RNF2: variants seen among roughly 807,000 people sequenced by gnomAD.
The protein encoded by RNF2 is E3 ubiquitin-protein ligase RING2.
A neutral mutation model predicts 37.2 loss-of-function variants in RNF2; 6 were observed. That is an observed-to-expected ratio of 0.16 (90% CI 0.09 to 0.32). The LOEUF (loss-of-function observed/expected upper bound fraction) is 0.32, where lower values mean the gene tolerates loss of function less well. RNF2 is among the 10% of genes least tolerant of loss of function. RNF2 has a pLI of 1.00. For synonymous variants in RNF2, 133 were observed against 132.7 expected (o/e 1.00, Z -0.02); for missense variants, 251 against 404.0 (o/e 0.62, Z 3.25).
At chr1:185,082,772 A>T (rs943968505) in intron 1 of RNF2, among the ~76,000 whole-genome samples, 3 of 152,226 alleles carry the variant, frequency 2.0e-5, no homozygotes, top group Non-Finnish European at 2.9e-5. Flanking sequence ...TTTGAACTCG[A>T]ATAAGAAAAT....
intron 1 of RNF2, among the ~76,000 whole-genome samples, chr1:185,066,521 C>T (rs1429804775): frequency 1.3e-5 from 2 of 152,166 alleles, no homozygotes; most frequent in African/African-American, 4.8e-5. Flanking sequence ...TTATTTATGC[C>T]TTCTTAGCAT....
At chr1:185,079,662 G>T (rs1438611123) in intron 1 of RNF2, among the ~76,000 whole-genome samples, 1 of 152,148 alleles carries the variant, frequency 6.6e-6, no homozygotes, top group Non-Finnish European at 1.5e-5. Context: ...GCTTGTGGTG[G>T]CTCACGCCTG....
intron 1 of RNF2, among the ~76,000 whole-genome samples, chr1:185,076,754 A>G (rs1190429587): frequency 6.6e-6 from 1 of 151,668 alleles, no homozygotes; most frequent in East Asian, 1.9e-4. Context: ...GTTTTGTTAT[A>G]TTGATCTGTT....
chr1:185,097,652 G>C (rs772524392), intron 4 of RNF2, among the ~76,000 whole-genome samples: 2 of 152,170 alleles, frequency 1.3e-5, no homozygotes, highest in South Asian at 4.1e-4. Context: ...TCCTGTCTCA[G>C]CCTCCTGAGT....
At chr1:185,085,255 T>C (rs771383005) in intron 1 of RNF2, among the ~76,000 whole-genome samples, 64 of 149,270 alleles carry the variant, frequency 4.3e-4, no homozygotes, top group Non-Finnish European at 8.0e-4. Flanking sequence ...TTCATGCTAT[T>C]CTCCTGCCTC....
At chr1:185,055,148 G>T (rs2102154473) in intron 1 of RNF2, among the ~76,000 whole-genome samples, 1 of 152,296 alleles carries the variant, frequency 6.6e-6, no homozygotes, top group Non-Finnish European at 1.5e-5. Context: ...TCTGCAGATC[G>T]AGTATCCCTT....
chr1:185,092,971 G>A, intron 3 of RNF2, 90 bp from the exon 4 acceptor site: 1 of 1,055,734 alleles, frequency 9.5e-7, no homozygotes, highest in Non-Finnish European at 1.4e-6. Context: ...TTGGAATAAA[G>A]GTGAATAACT....
At chr1:185,075,728 C>T (rs1033190380) in intron 1 of RNF2, among the ~76,000 whole-genome samples, 8 of 152,030 alleles carry the variant, frequency 5.3e-5, no homozygotes, top group South Asian at 2.1e-4. Context: ...AACTCATTAA[C>T]ACGAGAACAG....
chr1:185,060,594 A>G (rs189189736), intron 1 of RNF2, among the ~76,000 whole-genome samples: 2 of 152,270 alleles, frequency 1.3e-5, no homozygotes, highest in East Asian at 3.9e-4. Flanking sequence ...TGTAGAGTTG[A>G]TATGTGTTCA....
intron 1 of RNF2, among the ~76,000 whole-genome samples, chr1:185,087,100 GT>G (rs574444823): frequency 6.6e-6 from 1 of 151,760 alleles, no homozygotes; most frequent in African/African-American, 2.4e-5. Context: ...TGAATAATTT[GT>G]TTTTTTTATT....
chr1:185,090,717 C>G (rs1651742489), intron 2 of RNF2, among the ~76,000 whole-genome samples: 1 of 152,206 alleles, frequency 6.6e-6, no homozygotes, highest in African/African-American at 2.4e-5. Context: ...CATACTAGAA[C>G]TCTCCTCAAT....
chr1:185,068,853 T>G (rs986848320), intron 1 of RNF2, among the ~76,000 whole-genome samples: 5 of 152,234 alleles, frequency 3.3e-5, no homozygotes, highest in African/African-American at 1.2e-4. Context: ...TATAGCTCAC[T>G]CATATTAAAC....
intron 1 of RNF2, among the ~76,000 whole-genome samples, chr1:185,075,521 A>C (rs1212141547): frequency 6.6e-6 from 1 of 152,190 alleles, no homozygotes; most frequent in Non-Finnish European, 1.5e-5. Context: ...GAGACCGGAT[A>C]ATTTATAGAG....
chr1:185,087,601 A>G lies in RNF2; in HGVS notation c.48A>G (p.Thr16=), dbSNP rs777401708. 6 of 1,614,082 alleles carry G rather than the reference A, an allele frequency of 3.7e-6. No homozygotes were observed. Among genetic ancestry groups the G allele is most frequent in the Middle Eastern group, 1.6e-4 (1 of 6,084 alleles). The change falls in exon 2 of 7, where the codon ACA becomes ACG. Residue 16 remains threonine (T), a synonymous_variant. Transcript: ENST00000367510. ...QTNGTQPLSK[T]WELSLYELQR... is the part of the protein sequence containing the mutation. ...ACGGAACTCAACCATTAAGCAAAAC[A>G]TGGGAACTCAGTTTATATGAGTTAC...
At chr1:185,086,175 A>G (rs529669668) in intron 1 of RNF2, among the ~76,000 whole-genome samples, 19 of 152,248 alleles carry the variant, frequency 1.2e-4, no homozygotes, top group African/African-American at 4.6e-4. Flanking sequence ...ATCCACCTCT[A>G]TAATTCCATA....
intron 4 of RNF2, among the ~76,000 whole-genome samples, chr1:185,095,099 C>G (rs1485283269): frequency 6.6e-6 from 1 of 152,216 alleles, no homozygotes; most frequent in Non-Finnish European, 1.5e-5. Context: ...TGACCTACCA[C>G]TCTGTTTACC....
intron 1 of RNF2, among the ~76,000 whole-genome samples, chr1:185,063,744 C>T (rs756828924): frequency 6.6e-6 from 1 of 152,130 alleles, no homozygotes; most frequent in Non-Finnish European, 1.5e-5. Flanking sequence ...AATTCATTTT[C>T]TTTCATTTTC....
At chr1:185,062,451 T>TATC (rs1407278932) in intron 1 of RNF2, among the ~76,000 whole-genome samples, 2 of 152,228 alleles carry the variant, frequency 1.3e-5, no homozygotes, top group East Asian at 3.9e-4. Flanking sequence ...CATGCTAACT[T>TATC]ATCAGTGGAG....
chr1:185,052,021 C>T (rs976098577), intron 1 of RNF2, among the ~76,000 whole-genome samples: 1 of 151,270 alleles, frequency 6.6e-6, no homozygotes. Flanking sequence ...ATTCTATTAC[C>T]CAGGAAAGTT....
Sources: gnomAD v4.1 joint callset for allele counts (sites outside exome capture counted in the v4.1 genomes callset) on GRCh38, gnomAD v4.1.1 for gene constraint, MANE v1.5 for transcripts, NCBI Gene and HGNC (gene_info 2026-07-23, HGNC 2026-07-21) for gene names.